The following FAM184A variants were observed in gnomAD, a reference collection of about 807,000 sequenced individuals.
The protein encoded by FAM184A is family with sequence similarity 184 member A.
Under a neutral mutation model 143.8 loss-of-function variants are expected in FAM184A, and 99 were observed. The ratio of observed to expected loss-of-function variants is 0.69; its 90% confidence interval spans 0.58 to 0.81. The LOEUF (loss-of-function observed/expected upper bound fraction) is 0.81. Ranked by LOEUF, FAM184A falls within the 40% of genes least tolerant of loss-of-function variation. The probability of loss-of-function intolerance (pLI) is 0.00; values close to 1 mark genes in which losing one functional copy is unlikely to be tolerated. For missense variants in FAM184A, 1,217 were observed against 1,310.5 expected (o/e 0.93, Z 1.10); for synonymous variants, 427 against 446.4 (o/e 0.96, Z 0.55).
intron 9 of FAM184A, among the ~76,000 whole-genome samples, chr6:118,997,324 CA>C (rs11345478): frequency 0.73 from 81,339 of 111,950 alleles, 27,772 homozygotes; most frequent in South Asian, 0.8. Flanking sequence ...AACTCCATCT[CA>C]AAAAAAAAAA....
intron 1 of FAM184A, among the ~76,000 whole-genome samples, chr6:119,074,830 C>T (rs989458515): frequency 9.9e-5 from 15 of 152,192 alleles, no homozygotes; most frequent in Admixed American, 9.2e-4. Flanking sequence ...AAACTTGACA[C>T]GAGTGACCCA....
At chr6:119,093,041 T>C (rs1446189156) in intron 1 of FAM184A, among the ~76,000 whole-genome samples, 1 of 152,222 alleles carries the variant, frequency 6.6e-6, no homozygotes, top group Non-Finnish European at 1.5e-5. Flanking sequence ...TGCAGCTACC[T>C]GGACTCTCAA....
At chr6:119,123,864 TCTCTA>T (rs1424667062) in intron 1 of FAM184A, among the ~76,000 whole-genome samples, 3 of 152,348 alleles carry the variant, frequency 2.0e-5, no homozygotes, top group South Asian at 2.1e-4. Flanking sequence ...ATTTGTTTCC[TCTCTA>T]CTCTATTTTA....
chr6:119,115,406 A>G (rs998096118), intron 1 of FAM184A, among the ~76,000 whole-genome samples: 2 of 152,214 alleles, frequency 1.3e-5, no homozygotes, highest in African/African-American at 4.8e-5. Flanking sequence ...AAGACTGATG[A>G]TGTGACTGGG....
intron 1 of FAM184A, among the ~76,000 whole-genome samples, chr6:119,068,129 C>T: frequency 6.6e-6 from 1 of 151,040 alleles, no homozygotes; most frequent in Non-Finnish European, 1.5e-5. Context: ...TCACCACAAC[C>T]TCCGCCTCCT....
chr6:119,119,170 G>A (rs1235646468), intron 1 of FAM184A, among the ~76,000 whole-genome samples: 3 of 151,972 alleles, frequency 2.0e-5, no homozygotes, highest in Admixed American at 6.5e-5. Context: ...CCGATAAGAT[G>A]TTATCAATGA....
chr6:119,085,640 C>G (rs779035314), intron 1 of FAM184A, among the ~76,000 whole-genome samples: 4 of 152,196 alleles, frequency 2.6e-5, no homozygotes, highest in Non-Finnish European at 5.9e-5. Context: ...GGTATATTTA[C>G]AGCAACGCCC....
At chr6:118,996,665 T>A (rs1562466114) in intron 9 of FAM184A, among the ~76,000 whole-genome samples, 3 of 152,144 alleles carry the variant, frequency 2.0e-5, no homozygotes, top group Non-Finnish European at 4.4e-5. Flanking sequence ...CTTCACTATC[T>A]GCTGTCACTG....
At chr6:119,042,581 C>A (rs997340662) in intron 1 of FAM184A, among the ~76,000 whole-genome samples, 1 of 152,150 alleles carries the variant, frequency 6.6e-6, no homozygotes. Context: ...TAATTCAGAT[C>A]TCTTCCACTG....
chr6:119,096,951 A>T (rs557407843), intron 1 of FAM184A, among the ~76,000 whole-genome samples: 1 of 152,254 alleles, frequency 6.6e-6, no homozygotes, highest in East Asian at 1.9e-4. Flanking sequence ...CCTGCTTGAC[A>T]TTTCCTCTCT....
At chr6:119,044,941 C>G (rs2114734169) in intron 1 of FAM184A, among the ~76,000 whole-genome samples, 2 of 152,334 alleles carry the variant, frequency 1.3e-5, no homozygotes, top group East Asian at 3.9e-4. Flanking sequence ...GTACCTGGCT[C>G]TGTACATTAC....
intron 1 of FAM184A, among the ~76,000 whole-genome samples, chr6:119,051,380 G>A (rs1786758056): frequency 1.3e-5 from 2 of 152,180 alleles, no homozygotes; most frequent in Non-Finnish European, 2.9e-5. Context: ...GGTTACTAGA[G>A]GCTGGAGAGG....
At position 118,972,667 on chromosome 6, in the gene FAM184A, A is replaced by G. The variant is rs557068171; in HGVS notation, c.2915+1761T>C. Among the ~76,000 whole-genome samples, 9 of 152,328 alleles carry G rather than the reference A, an allele frequency of 5.9e-5. No individual in the cohort carries two copies. The South Asian group carries it at 1.9e-3, about 32-fold the overall frequency. On this transcript the variant is annotated intron_variant, in intron 14 of 17. Transcript: ENST00000338891. ...CTACTGAAGATTCATAATGTGCAAA[A>G]CCATATGCAACAGAATAAAGGAAAA...
intron 1 of FAM184A, among the ~76,000 whole-genome samples, chr6:119,088,351 T>C (rs1582604870): frequency 1.3e-5 from 2 of 152,236 alleles, no homozygotes; most frequent in African/African-American, 4.8e-5. Flanking sequence ...AATGCTGTTC[T>C]ATCAATCAAT....
At chr6:118,970,008 A>ATATATATATATTTTTTTTTTTT in intron 14 of FAM184A, among the ~76,000 whole-genome samples, 1 of 19,054 alleles carries the variant, frequency 5.2e-5, no homozygotes, top group African/African-American at 1.5e-4. Context: ...ATATATATAT[A>ATATATATATATTTTTTTTTTTT]TTTTTTTTTT....
intron 6 of FAM184A, among the ~76,000 whole-genome samples, chr6:119,010,613 T>TC (rs1480121383): frequency 6.6e-6 from 1 of 152,194 alleles, no homozygotes; most frequent in Non-Finnish European, 1.5e-5. Context: ...AGTCTCTTCA[T>TC]CTCTCCCAGT....
rs371846932 is a variant in FAM184A, at chr6:119,103,545, T to C, written c.-202+45533A>G. On this transcript the variant is annotated intron_variant, in intron 1 of 16. Transcript: ENST00000352896. ...CTAGAAGATTGTGCATAATTGGATG[T>C]CCAATTCATTTGTTGGAAAAAATTC... Among the ~76,000 whole-genome samples, 112 of 152,304 alleles carry C rather than the reference T, an allele frequency of 7.4e-4. 1 individual carries two copies. The highest frequency in any genetic ancestry group is 2.6e-3 in the African/African-American group (109 of 41,560).
intron 1 of FAM184A, among the ~76,000 whole-genome samples, chr6:119,071,077 A>T (rs937510544): frequency 6.6e-6 from 1 of 152,212 alleles, no homozygotes; most frequent in Non-Finnish European, 1.5e-5. Context: ...AATTTTCAAA[A>T]ATATCACAAT....
At chr6:118,966,380 C>T (rs939499529) in intron 15 of FAM184A, among the ~76,000 whole-genome samples, 12 of 151,876 alleles carry the variant, frequency 7.9e-5, no homozygotes, top group African/African-American at 1.5e-4. Flanking sequence ...CATTTTTTTT[C>T]TATAGAGTAA....
Sources: allele counts gnomAD v4.1 joint callset (sites outside exome capture counted in the v4.1 genomes callset), GRCh38; gene constraint gnomAD v4.1.1; transcripts MANE v1.5; gene names NCBI Gene and HGNC (gene_info 2026-07-23, HGNC 2026-07-21).